KCNAB1: variants seen among roughly 807,000 people sequenced by gnomAD.
KCNAB1 encodes voltage-gated potassium channel subunit beta-1.
KCNAB1 carries 35 observed loss-of-function variants against 64.6 expected under a neutral mutation model. The ratio of observed to expected loss-of-function variants is 0.54; its 90% confidence interval spans 0.41 to 0.72. KCNAB1 has a LOEUF of 0.72. Ranked by LOEUF, KCNAB1 falls within the 30% of genes least tolerant of loss-of-function variation. KCNAB1 has a pLI of 0.00. For synonymous variants in KCNAB1, 177 were observed against 183.8 expected (o/e 0.96, Z 0.30); for missense variants, 401 against 512.9 (o/e 0.78, Z 2.11).
intron 1 of KCNAB1, among the ~76,000 whole-genome samples, chr3:156,179,563 GTCA>G (rs1712665567): frequency 6.6e-6 from 1 of 151,924 alleles, no homozygotes; most frequent in African/African-American, 2.4e-5. Flanking sequence ...GAAGGCACCT[GTCA>G]TGGAGCTGAA....
At chr3:156,178,941 C>T (rs1209665345) in intron 1 of KCNAB1, among the ~76,000 whole-genome samples, 1 of 139,564 alleles carries the variant, frequency 7.2e-6, no homozygotes, top group Non-Finnish European at 1.5e-5. Flanking sequence ...GCGGAGCTTG[C>T]AGTGAGCCGA....
At chr3:156,212,212 G>A (rs1465938710) in intron 1 of KCNAB1, among the ~76,000 whole-genome samples, 5 of 152,128 alleles carry the variant, frequency 3.3e-5, no homozygotes, top group African/African-American at 1.2e-4. Context: ...GACCAGGGAA[G>A]AGGCAGTACA....
chr3:156,208,944 T>C (rs945273389), intron 1 of KCNAB1, among the ~76,000 whole-genome samples: 3 of 152,222 alleles, frequency 2.0e-5, no homozygotes, highest in Admixed American at 6.5e-5. Context: ...CATAATAATA[T>C]AAATGCATAA....
chr3:156,242,483 C>G (rs1717216228), intron 1 of KCNAB1, among the ~76,000 whole-genome samples: 1 of 152,028 alleles, frequency 6.6e-6, no homozygotes, highest in Non-Finnish European at 1.5e-5. Flanking sequence ...AACTTTCTGC[C>G]CTGCTTCTCT....
chr3:156,526,708 A>G (rs1480536539), intron 12 of KCNAB1, among the ~76,000 whole-genome samples: 2 of 152,186 alleles, frequency 1.3e-5, no homozygotes, highest in Non-Finnish European at 2.9e-5. Context: ...CATCACCATA[A>G]CAATCCGCGG....
chr3:156,322,466 A>G (rs1722722529), intron 1 of KCNAB1, among the ~76,000 whole-genome samples: 1 of 152,216 alleles, frequency 6.6e-6, no homozygotes, highest in Non-Finnish European at 1.5e-5. Flanking sequence ...TAAACAATAC[A>G]GTGTAACAAC....
chr3:156,292,288 C>T (rs184603463), intron 1 of KCNAB1, among the ~76,000 whole-genome samples: 1 of 152,098 alleles, frequency 6.6e-6, no homozygotes, highest in Non-Finnish European at 1.5e-5. Flanking sequence ...ATGAATAAAC[C>T]CAGGGTGGTT....
At chr3:156,169,312 G>A (rs36106222) in intron 1 of KCNAB1, among the ~76,000 whole-genome samples, 16,428 of 152,156 alleles carry the variant, frequency 0.11, 1,030 homozygotes, top group Non-Finnish European at 0.13. Context: ...ATAATGAGTT[G>A]AAATGCTTGA....
intron 1 of KCNAB1, chr3:156,176,079 C>T: frequency 1.3e-6 from 1 of 770,022 alleles, no homozygotes; most frequent in Non-Finnish European, 2.4e-6. Context: ...CAAAGTTGTG[C>T]ACATTTCCTT....
At chr3:156,314,186 C>T (rs1003131325) in intron 1 of KCNAB1, among the ~76,000 whole-genome samples, 34 of 152,178 alleles carry the variant, frequency 2.2e-4, no homozygotes, top group African/African-American at 7.7e-4. Flanking sequence ...ATACTGGGCA[C>T]AGTTCAGAGC....
chr3:156,530,458 G>T (rs912788494), intron 12 of KCNAB1, among the ~76,000 whole-genome samples: 2 of 152,148 alleles, frequency 1.3e-5, no homozygotes, highest in Non-Finnish European at 2.9e-5. Context: ...TAAGAGTACA[G>T]GTTTAAGGTC....
At chr3:156,352,053 G>T (rs1383325038) in intron 1 of KCNAB1, among the ~76,000 whole-genome samples, 3 of 152,228 alleles carry the variant, frequency 2.0e-5, no homozygotes, top group Non-Finnish European at 2.9e-5. Context: ...CTGCTACCCA[G>T]GCTTCCTGCA....
At chr3:156,149,839 C>T (rs1327153954) in intron 1 of KCNAB1, among the ~76,000 whole-genome samples, 4 of 152,150 alleles carry the variant, frequency 2.6e-5, no homozygotes, top group Non-Finnish European at 5.9e-5. Context: ...CAGGACCCTC[C>T]AAACCCCACC....
intron 1 of KCNAB1, among the ~76,000 whole-genome samples, chr3:156,174,193 T>C (rs1324517002): frequency 6.6e-6 from 1 of 152,226 alleles, no homozygotes; most frequent in Non-Finnish European, 1.5e-5. Flanking sequence ...ACAAAGATAT[T>C]GCTCAAGGCT....
chr3:156,293,752 G>A (rs1720605392), intron 1 of KCNAB1, among the ~76,000 whole-genome samples: 1 of 152,240 alleles, frequency 6.6e-6, no homozygotes, highest in Non-Finnish European at 1.5e-5. Context: ...CACAATGACA[G>A]TTCTCTAAAT....
At chr3:156,231,594 G>T (rs1447769668) in intron 1 of KCNAB1, among the ~76,000 whole-genome samples, 1 of 148,616 alleles carries the variant, frequency 6.7e-6, no homozygotes, top group African/African-American at 2.5e-5. Context: ...TCAACTAAGA[G>T]CTAGGCACCC....
intron 8 of KCNAB1, among the ~76,000 whole-genome samples, chr3:156,475,632 C>G (rs1322154374): frequency 6.6e-6 from 1 of 152,104 alleles, no homozygotes; most frequent in African/African-American, 2.4e-5. Context: ...ATGTGGATTA[C>G]CACTTTTAAA....
chr3:156,273,718 G>A, intron 1 of KCNAB1: 1 of 450,766 alleles, frequency 2.2e-6, no homozygotes, highest in Non-Finnish European at 4.4e-6. Flanking sequence ...TTAGGAAGGT[G>A]CTTTTTTTGT....
At chr3:156,190,761 T>C (rs1713516050) in intron 1 of KCNAB1, among the ~76,000 whole-genome samples, 1 of 152,170 alleles carries the variant, frequency 6.6e-6, no homozygotes, top group South Asian at 2.1e-4. Flanking sequence ...TGGTGTGATG[T>C]TGGCTCACTG....
Sources: gnomAD v4.1 joint callset for allele counts (sites outside exome capture counted in the v4.1 genomes callset) on GRCh38, gnomAD v4.1.1 for gene constraint, MANE v1.5 for transcripts, NCBI Gene and HGNC (gene_info 2026-07-23, HGNC 2026-07-21) for gene names.